FREM3: variants seen among roughly 807,000 people sequenced by gnomAD.
FREM3 encodes FRAS1-related extracellular matrix protein 3.
Under a neutral mutation model 129.1 loss-of-function variants are expected in FREM3, and 105 were observed. The ratio of observed to expected loss-of-function variants is 0.81; its 90% CI spans 0.69 to 0.96. The LOEUF is 0.96. Among genes scored for constraint, FREM3 ranks in the 40% least tolerant of loss-of-function variants. FREM3 has a pLI of 0.00. For synonymous variants in FREM3, 1,014 were observed against 1,044.9 expected, an observed-to-expected ratio of 0.97 and a Z score of 0.57; for missense variants, 2,593 against 2,666.3, an observed-to-expected ratio of 0.97 and a Z score of 0.61.
intron 2 of FREM3, among the ~76,000 whole-genome samples, chr4:143,647,466 C>T (rs936466065): frequency 5.3e-5 from 8 of 152,142 alleles, no homozygotes; most frequent in African/African-American, 1.7e-4. Flanking sequence ...GCAGCCCCTC[C>T]CATCACAGGT....
At chr4:143,670,639 G>C (rs2149855623) in intron 2 of FREM3, among the ~76,000 whole-genome samples, 1 of 152,128 alleles carries the variant, frequency 6.6e-6, no homozygotes, top group Non-Finnish European at 1.5e-5. Flanking sequence ...GAAAATGAAA[G>C]GCAAGAAATA....
Position 143,693,096 on chromosome 4 carries a change from G to T in FREM3, c.5275+17C>A. The T allele has an allele frequency of 3.9e-6, 5 of 1,290,038 alleles. No homozygotes were observed. The highest frequency in any genetic ancestry group is 4.2e-6 in the Non-Finnish European group (4 of 956,510). 79.9% of individuals were successfully genotyped at this position (1,290,038 alleles called of 1,614,324 possible). ...TAGTTAACCATGAATCCTTTTGAAGGGTTTATTATGACTTACCATTGTCTT... is the reference window on the plus strand; with the variant it reads ...TAGTTAACCATGAATCCTTTTGAAGTGTTTATTATGACTTACCATTGTCTT... On this transcript the variant is annotated intron_variant, in intron 2 of 7. Transcript: ENST00000329798.
chr4:143,647,644 A>G (rs1739441910), intron 2 of FREM3, among the ~76,000 whole-genome samples: 1 of 152,210 alleles, frequency 6.6e-6, no homozygotes, highest in Admixed American at 6.5e-5. Flanking sequence ...GCAAGCCCTA[A>G]GCCTTGGTGG....
chr4:143,616,138 A>G (rs1254399050), intron 5 of FREM3, among the ~76,000 whole-genome samples: 1 of 152,250 alleles, frequency 6.6e-6, no homozygotes, highest in Admixed American at 6.5e-5. Flanking sequence ...ATGAAAAACA[A>G]AGTGCTTAAC....
At chr4:143,694,973 A>G (rs1357318759) in intron 1 of FREM3, among the ~76,000 whole-genome samples, 1 of 152,220 alleles carries the variant, frequency 6.6e-6, no homozygotes, top group East Asian at 1.9e-4. Flanking sequence ...CACCAAATAT[A>G]AAAGAAAAAA....
chr4:143,663,416 C>G (rs1739782447), intron 2 of FREM3, among the ~76,000 whole-genome samples: 1 of 152,264 alleles, frequency 6.6e-6, no homozygotes. Flanking sequence ...TTGGCCCCCA[C>G]TCTCTTCTGG....
At chr4:143,684,620 C>T (rs931535547) in intron 2 of FREM3, among the ~76,000 whole-genome samples, 2 of 152,186 alleles carry the variant, frequency 1.3e-5, no homozygotes, top group African/African-American at 4.8e-5. Context: ...CCAAAAATCA[C>T]ACTAGTTCAT....
chr4:143,609,884 A>C (rs1467832250), intron 6 of FREM3, among the ~76,000 whole-genome samples: 1 of 152,208 alleles, frequency 6.6e-6, no homozygotes, highest in Admixed American at 6.5e-5. Context: ...TTCCAAAACA[A>C]CTTCTTTCGA....
chr4:143,678,783 T>G (rs1477396942), intron 2 of FREM3, among the ~76,000 whole-genome samples: 1 of 152,106 alleles, frequency 6.6e-6, no homozygotes, highest in African/African-American at 2.4e-5. Context: ...TTCAATATAG[T>G]CATAAAATGA....
At chr4:143,590,197 A>G (rs1392986947) in intron 6 of FREM3, among the ~76,000 whole-genome samples, 1 of 152,098 alleles carries the variant, frequency 6.6e-6, no homozygotes, top group Non-Finnish European at 1.5e-5. Flanking sequence ...GGACAATTTG[A>G]CTTCCTCTTT....
Position 143,695,553 on chromosome 4 carries a change from G to A in FREM3, c.5123C>T (p.Pro1708Leu). Residue 1708 changes from proline to leucine, a missense_variant, in exon 1 of 8, where the codon CCA becomes CTA. By Grantham distance (98) the Pro-to-Leu change is moderately conservative. This residue lies in a region of FREM3 where 2,276 missense variants were observed against 2,267.2 expected (regional missense o/e 1.00). Coordinates refer to ENST00000329798, the MANE Select transcript of FREM3 (RefSeq NM_001168235.2). ...RLLKYKVTRG[P>L]EHGFIIKTGL... ...AGTTTTGATAATGAAGCCATGCTCT[G>A]GTCCTCTGGTCACTTTATACTTCAG... 6.5e-7 allele frequency: 1 copy of A among 1,537,340 alleles called. No homozygotes were observed. The highest frequency in any genetic ancestry group is 1.7e-4 in the Middle Eastern group (1 of 5,990).
intron 4 of FREM3, among the ~76,000 whole-genome samples, chr4:143,621,458 TA>T (rs1738950447): frequency 6.6e-6 from 1 of 152,244 alleles, no homozygotes; most frequent in African/African-American, 2.4e-5. Flanking sequence ...GATCAAATTT[TA>T]AGTCTTCTAA....
Position 143,695,621 on chromosome 4 carries a change from G to T in FREM3, c.5055C>A (p.Ser1685Arg), listed in dbSNP as rs1740551009. Residue 1685 changes from serine (S) to arginine (R), a missense_variant, in exon 1 of 8, where the codon AGC (serine) becomes AGA (arginine). Transcript: ENST00000329798. ...HTGHMGFLIT[S>R]KSLKAEDQDS... ...CCTGATCTTCTGCCTTCAGAGACTT[G>T]CTGGTAATCAGGAAGCCCATGTGTC... 1 of 1,537,156 alleles carries T rather than the reference G, an allele frequency of 6.5e-7. No individual in the cohort carries two copies. Among genetic ancestry groups the T allele is most frequent in the African/African-American group, 1.4e-5 (1 of 73,042 alleles).
At chr4:143,694,655 C>CT (rs1284691957) in intron 1 of FREM3, among the ~76,000 whole-genome samples, 10 of 152,028 alleles carry the variant, frequency 6.6e-5, no homozygotes, top group Non-Finnish European at 8.8e-5. Context: ...TGTTGTTATA[C>CT]TTTAAGTTCT....
chr4:143,626,712 C>T lies in FREM3; in HGVS notation c.5422+902G>A, dbSNP rs572136129. Among the ~76,000 whole-genome samples, 184 of 152,184 alleles carry T rather than the reference C, an allele frequency of 1.2e-3. 2 individuals carry two copies. The highest frequency in any genetic ancestry group is 4.3e-3 in the African/African-American group (180 of 41,554). ...GGGTGCTCTTTGGCTGACCCCTTCT[C>T]CTAGGAGAACAGTCCTATTTTAGGA... On this transcript the variant is annotated intron_variant, in intron 3 of 7. Transcript: ENST00000329798.
In FREM3 at chr4:143,700,270, G is replaced by T. The variant is rs1371985702; in HGVS notation, c.406C>A (p.Arg136Ser). Residue 136 changes from arginine to serine, a missense_variant, in exon 1 of 8, where the codon CGC becomes AGC. By Grantham distance (110) the Arg-to-Ser change is moderately radical. Transcript: ENST00000329798. ...CGCAGCTGCAGCAGCACCCGGGCGC[G>T]TCCGGGGCTGTGGGAGCCGAAGTGA... ...YTHFGSHSPG[R>S]ARVLLQLRYD... 3.3e-6 allele frequency: 5 copies of T among 1,536,530 alleles called. No individual in the cohort carries two copies. The highest frequency in any genetic ancestry group is 4.4e-6 in the Non-Finnish European group (5 of 1,146,792).
At chr4:143,581,528 C>G (rs1358348673) in intron 7 of FREM3, among the ~76,000 whole-genome samples, 1 of 152,146 alleles carries the variant, frequency 6.6e-6, no homozygotes, top group Non-Finnish European at 1.5e-5. Flanking sequence ...GGTAGTGGCT[C>G]TGTGTCTTCC....
intron 5 of FREM3, among the ~76,000 whole-genome samples, chr4:143,614,141 T>C (rs954631769): frequency 6.6e-6 from 1 of 152,216 alleles, no homozygotes; most frequent in Non-Finnish European, 1.5e-5. Context: ...ACAATATGTT[T>C]TAGCAAGATT....
At chr4:143,603,462 A>T (rs866189620) in intron 6 of FREM3, among the ~76,000 whole-genome samples, 14 of 152,262 alleles carry the variant, frequency 9.2e-5, no homozygotes, top group Middle Eastern at 3.4e-3. Context: ...GTCTCTGATT[A>T]TGATGACCTC....
Sources: gnomAD v4.1 joint callset for allele counts (sites outside exome capture counted in the v4.1 genomes callset) on GRCh38, gnomAD v4.1.1 for gene constraint, gnomAD v4.1.1 regional missense constraint, MANE v1.5 for transcripts, NCBI Gene and HGNC (gene_info 2026-07-23, HGNC 2026-07-21) for gene names.